PCYT1A: variants seen among roughly 807,000 people sequenced by gnomAD.
PCYT1A encodes choline-phosphate cytidylyltransferase A.
A neutral mutation model predicts 43.7 loss-of-function variants in PCYT1A; 25 were observed. That is an observed-to-expected ratio of 0.57 (90% confidence interval 0.42 to 0.80). PCYT1A has a LOEUF of 0.80. Among genes scored for constraint, PCYT1A ranks in the 30% least tolerant of loss-of-function variants. The pLI is 0.00. For missense variants in PCYT1A, 421 were observed against 474.2 expected (o/e 0.89, Z 1.04); for synonymous variants, 172 against 170.7 (o/e 1.01, Z -0.06).
In PCYT1A at chr3:196,244,774, T is replaced by C. The variant is rs969648010; in HGVS notation, c.487-2134A>G. On this transcript the variant is annotated intron_variant, in intron 5 of 8. Coordinates refer to ENST00000431016, the MANE Select transcript of PCYT1A (RefSeq NM_001312673.2). ...AAAATTCTTCTGCCTTGGGATCCTG[T>C]TGATCTGTGACCTTACCCCCAACCC... Among the ~76,000 whole-genome samples the C allele has an allele frequency of 7.9e-5, 12 of 152,352 alleles. No individual in the cohort carries two copies. The South Asian group carries it at 2.1e-3, about 26-fold the overall frequency.
Position 196,252,976 on chromosome 3 carries a change from T to C in PCYT1A, c.218-4653A>G, listed in dbSNP as rs1312520638. Among the ~76,000 whole-genome samples, 1 of 152,194 alleles carries C rather than the reference T, an allele frequency of 6.6e-6. No individual in the cohort carries two copies. The highest frequency in any genetic ancestry group is 1.5e-5 in the Non-Finnish European group (1 of 68,028). ...AGCAAAATAAAACAAAATTTGAGCA[T>C]ATAATCCCCCTTCTATGTCCCAGAA... On this transcript the variant is annotated intron_variant, in intron 3 of 8. Transcript: ENST00000431016. This position sits in a 1 kb window ranked among gnomAD's most constrained non-coding sequence, Gnocchi z 4.0.
intron 1 of PCYT1A, among the ~76,000 whole-genome samples, chr3:196,271,277 C>T (rs1725424200): frequency 6.6e-6 from 1 of 152,090 alleles, no homozygotes; most frequent in Admixed American, 6.6e-5. Flanking sequence ...ACTCAAACTC[C>T]CAAAGACTTG....
intron 3 of PCYT1A, among the ~76,000 whole-genome samples, chr3:196,249,295 C>T (rs1391841530): frequency 6.6e-6 from 1 of 150,746 alleles, no homozygotes; most frequent in Non-Finnish European, 1.5e-5. Flanking sequence ...CACAGATGGA[C>T]ACCACCATGC....
chr3:196,242,478 A>G lies in PCYT1A; in HGVS notation c.565+84T>C, dbSNP rs758365763. ...AGGATGTTGAATTTCTAATGTACAC[A>G]TTTTCCTCTGTAAAGCAGCAACATG... On this transcript the variant is annotated intron_variant, in intron 6 of 8. Coordinates refer to ENST00000431016, the MANE Select transcript of PCYT1A (RefSeq NM_001312673.2). The surrounding 1 kb of genome is among the most constrained non-coding windows in gnomAD (Gnocchi z 4.2). 11 of 928,564 alleles carry G rather than the reference A, an allele frequency of 1.2e-5. No individual in the cohort carries two copies. The highest frequency in any genetic ancestry group is 6.8e-5 in the Admixed American group (4 of 58,674). The allele number at this position is 928,564 out of a possible 1,614,324, so 57.5% of individuals were successfully genotyped here.
intron 3 of PCYT1A, among the ~76,000 whole-genome samples, chr3:196,250,385 C>G (rs1480078766): frequency 6.8e-6 from 1 of 147,574 alleles, no homozygotes; most frequent in African/African-American, 2.5e-5. Flanking sequence ...TATGCTGAGG[C>G]TGAGGACCAG....
In PCYT1A at chr3:196,242,180, T is replaced by C; in HGVS notation, c.566-90A>G. 7.7e-7 allele frequency: 1 copy of C among 1,293,114 alleles called. No individual in the cohort carries two copies. Among genetic ancestry groups the C allele is most frequent in the Non-Finnish European group, 1.1e-6 (1 of 902,380 alleles). The allele number at this position is 1,293,114 out of a possible 1,614,324, so 80.1% of individuals were successfully genotyped here. On this transcript the variant is annotated intron_variant, in intron 6 of 8. Transcript: ENST00000431016. The surrounding 1 kb of genome is among the most constrained non-coding windows in gnomAD (Gnocchi z 4.2). ...ATGGAAATTGGGGGCAACATTCCTT[T>C]CCTTTCCTCAAAAAGCAGAATCTGT...
chr3:196,243,154 C>T (rs976333970), intron 5 of PCYT1A: 8 of 155,310 alleles, frequency 5.2e-5, no homozygotes, highest in South Asian at 2.0e-4. Context: ...GGTGAAACCC[C>T]GTCTCTACTA....
intron 3 of PCYT1A, among the ~76,000 whole-genome samples, chr3:196,248,740 C>T (rs1293366840): frequency 6.6e-6 from 1 of 150,964 alleles, no homozygotes; most frequent in African/African-American, 2.4e-5. Context: ...AGTTCCATGA[C>T]TGTATACTCC....
At chr3:196,244,922 T>C (rs1159324723) in intron 5 of PCYT1A, among the ~76,000 whole-genome samples, 1 of 152,104 alleles carries the variant, frequency 6.6e-6, no homozygotes, top group Non-Finnish European at 1.5e-5. Flanking sequence ...CACCACTCCC[T>C]AATCTCAAGT....
chr3:196,285,321 T>C (rs1057354387), intron 1 of PCYT1A, among the ~76,000 whole-genome samples: 1 of 152,096 alleles, frequency 6.6e-6, no homozygotes, highest in South Asian at 2.1e-4. Context: ...TAGCCAGGCA[T>C]GGTGGCACAT....
chr3:196,242,165 G>A lies in PCYT1A; in HGVS notation c.566-75C>T. The A allele has an allele frequency of 7.0e-7, 1 of 1,432,720 alleles. No homozygotes were observed. The highest frequency in any genetic ancestry group is 9.8e-7 in the Non-Finnish European group (1 of 1,022,856). The allele number at this position is 1,432,720 out of a possible 1,614,324, so 88.8% of individuals were successfully genotyped here. On this transcript the variant is annotated intron_variant, in intron 6 of 8. Coordinates refer to ENST00000431016, the MANE Select transcript of PCYT1A (RefSeq NM_001312673.2). The surrounding 1 kb of genome is among the most constrained non-coding windows in gnomAD (Gnocchi z 4.2). The stretch of plus-strand genomic sequence containing the variant: ...AGGTATTAAGACTAAATGGAAATTG[G>A]GGGCAACATTCCTTTCCTTTCCTCA...
chr3:196,280,189 A>G (rs1261537297), intron 1 of PCYT1A, among the ~76,000 whole-genome samples: 1 of 152,054 alleles, frequency 6.6e-6, no homozygotes, highest in African/African-American at 2.4e-5. Flanking sequence ...GGGAAAGAGG[A>G]GTTGGACTTT....
chr3:196,281,436 A>G (rs919574533), intron 1 of PCYT1A, among the ~76,000 whole-genome samples: 3 of 152,222 alleles, frequency 2.0e-5, no homozygotes, highest in African/African-American at 7.2e-5. Flanking sequence ...AGCAAACTAC[A>G]GCTAGCTGGC....
At chr3:196,256,494 G>GA (rs547447051) in intron 3 of PCYT1A, among the ~76,000 whole-genome samples, 357 of 151,406 alleles carry the variant, frequency 2.4e-3, no homozygotes, top group African/African-American at 7.5e-3. Flanking sequence ...TGCCTCAAAA[G>GA]AAAAAAAAAT....
intron 1 of PCYT1A, among the ~76,000 whole-genome samples, chr3:196,285,617 T>C (rs984243637): frequency 3.3e-5 from 5 of 152,200 alleles, no homozygotes; most frequent in African/African-American, 1.2e-4. Context: ...TTACCCATAG[T>C]GTGGTATCAT....
chr3:196,270,732 C>T (rs1440518093), intron 1 of PCYT1A, among the ~76,000 whole-genome samples, 191 bp from the exon 2 acceptor site: 2 of 152,320 alleles, frequency 1.3e-5, no homozygotes, highest in African/African-American at 4.8e-5. Context: ...AGTAGAAATA[C>T]TGAAACGCCT....
At chr3:196,243,517 C>T (rs1291940654) in intron 5 of PCYT1A, among the ~76,000 whole-genome samples, 3 of 151,428 alleles carry the variant, frequency 2.0e-5, no homozygotes, top group Non-Finnish European at 4.4e-5. Flanking sequence ...CCCTTCTCCC[C>T]TCTCCCCTCT....
chr3:196,238,413 C>A lies in PCYT1A; in HGVS notation c.*275G>T. The A allele has an allele frequency of 3.2e-6, 1 of 308,636 alleles. No homozygotes were observed. Among genetic ancestry groups the A allele is most frequent in the Admixed American group, 5.0e-5 (1 of 19,948 alleles). The allele number at this position is 308,636 out of a possible 1,614,324, so 19.1% of individuals were successfully genotyped here. ...AAAATGACAATTTCCCTGTTGAGAT[C>A]ACGTGAACATAAACAGTGAAACAAA... On this transcript the variant is annotated 3_prime_UTR_variant, in exon 9 of 9. Transcript: ENST00000431016.
chr3:196,253,437 C>T lies in PCYT1A; in HGVS notation c.217+4351G>A, dbSNP rs564567383. Among the ~76,000 whole-genome samples, 3 of 152,120 alleles carry T rather than the reference C, an allele frequency of 2.0e-5. No individual in the cohort carries two copies. The South Asian group carries it at 6.2e-4, about 32-fold the overall frequency. ...AGTCCAGAGGGGCTATGATCTCACACTATTCGATCCTGAAACACAAGGGAT... is the reference window on the plus strand; with the variant it reads ...AGTCCAGAGGGGCTATGATCTCACATTATTCGATCCTGAAACACAAGGGAT... On this transcript the variant is annotated intron_variant, in intron 3 of 8. Coordinates refer to ENST00000431016, the MANE Select transcript of PCYT1A (RefSeq NM_001312673.2).
Sources: gnomAD v4.1 joint callset for allele counts (sites outside exome capture counted in the v4.1 genomes callset) on GRCh38, gnomAD v4.1.1 for gene constraint, Gnocchi (gnomAD v3.1) non-coding constraint, MANE v1.5 for transcripts, NCBI Gene and HGNC (gene_info 2026-07-23, HGNC 2026-07-21) for gene names.